SRBD1: variants seen among roughly 807,000 people sequenced by gnomAD.
The protein encoded by SRBD1 is S1 RNA binding domain 1.
A neutral mutation model predicts 115.3 loss-of-function variants in SRBD1; 88 were observed. The observed-to-expected ratio is 0.76, with a 90% CI of 0.64 to 0.91. The LOEUF is 0.91. Among genes scored for constraint, SRBD1 ranks in the 40% least tolerant of loss-of-function variants. The pLI, the probability that SRBD1 is intolerant of heterozygous loss-of-function variation, is 0.00. For synonymous variants in SRBD1, 509 were observed against 407.7 expected, an observed-to-expected ratio of 1.25 and a Z score of -2.99; for missense variants, 1,385 against 1,177.4, an observed-to-expected ratio of 1.18 and a Z score of -2.58.
intron 16 of SRBD1, among the ~76,000 whole-genome samples, chr2:45,464,686 G>A (rs926976973): frequency 2.6e-5 from 4 of 152,022 alleles, no homozygotes; most frequent in Admixed American, 6.6e-5. Flanking sequence ...TAAACCCAAG[G>A]GCTTGAAATT....
At chr2:45,480,270 GGCT>G (rs1669921479) in intron 15 of SRBD1, among the ~76,000 whole-genome samples, 1 of 152,084 alleles carries the variant, frequency 6.6e-6, no homozygotes, top group African/African-American at 2.4e-5. Flanking sequence ...CATTTTGTAA[GGCT>G]ATAGCTGCCA....
intron 14 of SRBD1, among the ~76,000 whole-genome samples, chr2:45,534,513 T>C (rs1229790941): frequency 6.6e-6 from 1 of 151,926 alleles, no homozygotes; most frequent in Non-Finnish European, 1.5e-5. Flanking sequence ...CACAGCACCT[T>C]AACTTGTCAT....
chr2:45,393,467 G>A (rs978168126), intron 19 of SRBD1, among the ~76,000 whole-genome samples: 6 of 152,264 alleles, frequency 3.9e-5, no homozygotes, highest in Admixed American at 1.3e-4. Flanking sequence ...CACAAGCTCC[G>A]CCTCCTGGGT....
At chr2:45,470,573 G>A (rs755158225) in intron 16 of SRBD1, among the ~76,000 whole-genome samples, 13 of 152,050 alleles carry the variant, frequency 8.5e-5, no homozygotes, top group African/African-American at 1.9e-4. Flanking sequence ...TGAAAGTACC[G>A]AAAACACAGT....
Position 45,599,699 on chromosome 2 carries a change from A to G in SRBD1, c.398T>C (p.Leu133Pro), listed in dbSNP as rs1194357596. 6.2e-7 allele frequency: 1 copy of G among 1,614,078 alleles called. No individual in the cohort carries two copies. Among genetic ancestry groups the G allele is most frequent in the South Asian group, 1.1e-5 (1 of 91,086 alleles). The change falls in exon 4 of 21, where the codon CTG becomes CCG. Residue 133 changes from leucine to proline, a missense_variant. Transcript: ENST00000263736. ...QPHTVRRTKK[L>P]KVEEETSKAS... ...TTTGCTGGTTTCTTCTTCAACTTTC[A>G]GCTTTTTAGTCCTTCGAACTGTATG...
rs557186366 is a variant in SRBD1, at chr2:45,606,321, G to A, written c.1-880C>T. Among the ~76,000 whole-genome samples, 6 of 152,004 alleles carry A rather than the reference G, an allele frequency of 3.9e-5. No individual in the cohort carries two copies. In the South Asian group the frequency reaches 6.2e-4, roughly 16 times the overall value. On this transcript the variant is annotated intron_variant, in intron 1 of 20. Transcript: ENST00000263736. ...ATTACAGGCATGCGCCAACACACCC[G>A]GCTAATTTTGTATTTTTTAGTAGAG...
chr2:45,568,392 C>G (rs1375554313), intron 9 of SRBD1, among the ~76,000 whole-genome samples: 1 of 152,106 alleles, frequency 6.6e-6, no homozygotes, highest in Non-Finnish European at 1.5e-5. Context: ...TACATAAAGG[C>G]TGAAAAGTAA....
At chr2:45,393,757 C>T (rs923994757) in intron 19 of SRBD1, among the ~76,000 whole-genome samples, 1 of 152,188 alleles carries the variant, frequency 6.6e-6, no homozygotes, top group African/African-American at 2.4e-5. Flanking sequence ...CTGTTCCCTA[C>T]AATTTCAATT....
At chr2:45,563,123 A>G (rs955699800) in intron 9 of SRBD1, among the ~76,000 whole-genome samples, 2 of 152,194 alleles carry the variant, frequency 1.3e-5, no homozygotes, top group Non-Finnish European at 2.9e-5. Flanking sequence ...ACAAACATGT[A>G]AAATCCTAGG....
At chr2:45,526,189 G>A (rs896285126) in intron 14 of SRBD1, among the ~76,000 whole-genome samples, 1 of 151,982 alleles carries the variant, frequency 6.6e-6, no homozygotes, top group Non-Finnish European at 1.5e-5. Context: ...CAGCCAAAGA[G>A]TGGAAATAAC....
chr2:45,566,525 T>C (rs983638861), intron 9 of SRBD1, among the ~76,000 whole-genome samples: 2 of 152,186 alleles, frequency 1.3e-5, no homozygotes, highest in African/African-American at 4.8e-5. Context: ...AGATAGAAAG[T>C]TGGCTGCCTA....
chr2:45,459,361 A>G (rs1000418348), intron 16 of SRBD1, among the ~76,000 whole-genome samples: 1 of 152,138 alleles, frequency 6.6e-6, no homozygotes, highest in Non-Finnish European at 1.5e-5. Context: ...CTGGATTATG[A>G]CCACAGCAAC....
At chr2:45,492,558 C>T (rs909975078) in intron 14 of SRBD1, among the ~76,000 whole-genome samples, 2 of 152,204 alleles carry the variant, frequency 1.3e-5, no homozygotes, top group African/African-American at 4.8e-5. Flanking sequence ...CCTGCCTCAG[C>T]CTCCCAAGTA....
Position 45,545,315 on chromosome 2 carries a change from A to AAAAAAAAAAC in SRBD1, c.1874+1416_1874+1417insGTTTTTTTTT, listed in dbSNP as rs1209226372. ...AAAAAAAAAAAAAAAAAAAAAAAAA[A>AAAAAAAAAAC]CAGATGAACCCAGATTTGTCTGACC... On this transcript the variant is annotated intron_variant, in intron 14 of 20. Coordinates refer to ENST00000263736, the MANE Select transcript of SRBD1 (RefSeq NM_018079.5). 2.9e-4 allele frequency among the ~76,000 whole-genome samples: 36 copies of AAAAAAAAAAC among 123,618 alleles called. 3 individuals are homozygous for AAAAAAAAAAC. The East Asian group carries it at 3.8e-3, about 13-fold the overall frequency. The allele number at this position is 123,618 out of a possible 152,430, so 81.1% of individuals were successfully genotyped here.
rs756953184 is a variant in SRBD1, at chr2:45,392,985, T to C, written c.2658A>G (p.Ile886Met). 5 of 1,612,894 alleles carry C rather than the reference T, an allele frequency of 3.1e-6. No homozygotes were observed. The Admixed American group carries it at 5.0e-5, about 16-fold the overall frequency. Residue 886 changes from isoleucine (I) to methionine (M), a missense_variant, in exon 20 of 21, where the codon ATA (isoleucine) becomes ATG (methionine). Transcript: ENST00000263736. ...QTTVHTLQVI[I>M]DGLSQPESFD... is the part of the protein sequence containing the mutation. ...AGCTTTCAGGCTGGCTGAGACCATC[T>C]ATGATGACCTGTAAGGTGTGTACTG...
chr2:45,509,254 A>G (rs1232218858), intron 14 of SRBD1, among the ~76,000 whole-genome samples: 1 of 152,168 alleles, frequency 6.6e-6, no homozygotes, highest in African/African-American at 2.4e-5. Context: ...ATTTGAGAGT[A>G]TCAGTTTCTA....
At chr2:45,502,923 A>G (rs1036415748) in intron 14 of SRBD1, among the ~76,000 whole-genome samples, 1 of 152,106 alleles carries the variant, frequency 6.6e-6, no homozygotes, top group African/African-American at 2.4e-5. Flanking sequence ...GGGCTCAAGC[A>G]ATATTCTTGC....
chr2:45,483,891 G>T (rs72616991), intron 15 of SRBD1, among the ~76,000 whole-genome samples: 10,215 of 152,052 alleles, frequency 0.067, 463 homozygotes, highest in East Asian at 0.13. Flanking sequence ...AGCTGAGAAA[G>T]ATGTTGAACT....
intron 10 of SRBD1, among the ~76,000 whole-genome samples, chr2:45,559,501 T>G (rs1483534934): frequency 1.3e-5 from 2 of 152,206 alleles, no homozygotes; most frequent in African/African-American, 4.8e-5. Context: ...ATTTTCCCAG[T>G]GTTGTTCTCA....
Sources: gnomAD v4.1 joint callset for allele counts (sites outside exome capture counted in the v4.1 genomes callset) on GRCh38, gnomAD v4.1.1 for gene constraint, MANE v1.5 for transcripts, NCBI Gene and HGNC (gene_info 2026-07-23, HGNC 2026-07-21) for gene names.